Variants in MALRD1 observed in about 807,000 individuals in gnomAD.
MALRD1 encodes MAM and LDL receptor class A domain containing 1, also known as MAM and LDL-receptor class A domain-containing protein 1.
In MALRD1, 247 loss-of-function variants were observed where a neutral mutation model predicts 242.1. That is an observed-to-expected ratio of 1.02 (90% CI 0.92 to 1.13). MALRD1 has a LOEUF of 1.13. MALRD1 is among the 50% of genes most tolerant of loss of function. The pLI is 0.00. For missense variants in MALRD1, 2,989 were observed against 2,533.1 expected (o/e 1.18, Z -3.86); for synonymous variants, 995 against 866.6 (o/e 1.15, Z -2.60).
chr10:19,673,920 T>G (rs1451060865), intron 36 of MALRD1, among the ~76,000 whole-genome samples: 4 of 152,054 alleles, frequency 2.6e-5, no homozygotes, highest in Non-Finnish European at 4.4e-5. Context: ...TGCGTGTGCA[T>G]GTATGTATCT....
intron 13 of MALRD1, among the ~76,000 whole-genome samples, chr10:19,169,114 C>T (rs1354896958): frequency 6.6e-6 from 1 of 152,066 alleles, no homozygotes; most frequent in Non-Finnish European, 1.5e-5. Flanking sequence ...TGCCCTGAAC[C>T]ACTGTGAGGC....
intron 30 of MALRD1, among the ~76,000 whole-genome samples, chr10:19,494,343 G>A (rs1298187742): frequency 6.6e-6 from 1 of 152,186 alleles, no homozygotes; most frequent in Non-Finnish European, 1.5e-5. Context: ...AAGAACCAGT[G>A]AAAGAACTCT....
At chr10:19,165,242 AATATATATATAT>A (rs57449195) in intron 12 of MALRD1, among the ~76,000 whole-genome samples, 1 of 69,814 alleles carries the variant, frequency 1.4e-5, no homozygotes, top group African/African-American at 8.5e-5. Context: ...AGTTGTTTGG[AATATATATATAT>A]ATATATATAT....
At chr10:19,432,189 A>C (rs747458972) in intron 28 of MALRD1, among the ~76,000 whole-genome samples, 1 of 152,172 alleles carries the variant, frequency 6.6e-6, no homozygotes, top group Non-Finnish European at 1.5e-5. Flanking sequence ...GCAATGAGCA[A>C]CATTGGCTAT....
intron 32 of MALRD1, among the ~76,000 whole-genome samples, chr10:19,536,097 A>G (rs1014008031): frequency 1.3e-5 from 2 of 152,178 alleles, no homozygotes; most frequent in Non-Finnish European, 2.9e-5. Flanking sequence ...CCCTTCCAGG[A>G]TCTGCTCTGT....
At chr10:19,546,142 G>A (rs1249877328) in intron 32 of MALRD1, among the ~76,000 whole-genome samples, 1 of 152,102 alleles carries the variant, frequency 6.6e-6, no homozygotes, top group African/African-American at 2.4e-5. Flanking sequence ...TGGTTACTTA[G>A]TGTTCTATTT....
At chr10:19,202,120 A>C (rs2358346) in intron 14 of MALRD1, among the ~76,000 whole-genome samples, 6 of 152,146 alleles carry the variant, frequency 3.9e-5, no homozygotes, top group African/African-American at 1.2e-4. Flanking sequence ...GACTGAGAAA[A>C]CTTTACTCTA....
intron 20 of MALRD1, among the ~76,000 whole-genome samples, chr10:19,280,458 T>C (rs1840748808): frequency 6.6e-6 from 1 of 152,252 alleles, no homozygotes; most frequent in South Asian, 2.1e-4. Flanking sequence ...TTCAAAACTA[T>C]CGTTTTCACA....
intron 21 of MALRD1, among the ~76,000 whole-genome samples, chr10:19,293,062 C>T (rs1183396115): frequency 6.6e-6 from 1 of 152,010 alleles, no homozygotes; most frequent in East Asian, 1.9e-4. Flanking sequence ...GTCCCTTAGA[C>T]AGTAAATACC....
intron 5 of MALRD1, among the ~76,000 whole-genome samples, chr10:19,116,999 G>A (rs1836892501): frequency 6.6e-6 from 1 of 151,830 alleles, no homozygotes; most frequent in Admixed American, 6.6e-5. Flanking sequence ...GGAGGCTGAG[G>A]CAGGAGAATC....
At chr10:19,363,765 G>A (rs1164655293) in intron 26 of MALRD1, among the ~76,000 whole-genome samples, 1 of 152,126 alleles carries the variant, frequency 6.6e-6, no homozygotes, top group Admixed American at 6.6e-5. Flanking sequence ...GGTTAGTCCT[G>A]TGAGAAGAGC....
intron 18 of MALRD1, among the ~76,000 whole-genome samples, chr10:19,249,807 G>A (rs925314536): frequency 6.6e-6 from 1 of 151,946 alleles, no homozygotes; most frequent in East Asian, 1.9e-4. Context: ...GGGTATGTGG[G>A]ACATTGAGCT....
At chr10:19,158,395 T>G (rs563151880) in intron 12 of MALRD1, among the ~76,000 whole-genome samples, 138 of 152,310 alleles carry the variant, frequency 9.1e-4, no homozygotes, top group African/African-American at 3.1e-3. Context: ...TCATAGATTG[T>G]TTTACAAATA....
At chr10:19,683,601 C>G (rs1440293347) in intron 36 of MALRD1, among the ~76,000 whole-genome samples, 1 of 152,118 alleles carries the variant, frequency 6.6e-6, no homozygotes, top group Admixed American at 6.5e-5. Context: ...AGCTGCCTGT[C>G]TATATCTTGA....
chr10:19,559,840 G>A (rs58499850), intron 32 of MALRD1, among the ~76,000 whole-genome samples: 1 of 152,102 alleles, frequency 6.6e-6, no homozygotes, highest in Non-Finnish European at 1.5e-5. Flanking sequence ...GATGTGAACA[G>A]ACACTTCTGA....
chr10:19,368,788 C>T (rs1234025884), intron 26 of MALRD1, among the ~76,000 whole-genome samples: 1 of 150,390 alleles, frequency 6.6e-6, no homozygotes, highest in Non-Finnish European at 1.5e-5. Flanking sequence ...AATTTCTTTC[C>T]TCAGTGTTTT....
intron 18 of MALRD1, among the ~76,000 whole-genome samples, chr10:19,214,183 G>T (rs1706347621): frequency 6.6e-6 from 1 of 152,154 alleles, no homozygotes; most frequent in South Asian, 2.1e-4. Flanking sequence ...GAGAGCTCAT[G>T]TCAACATGGT....
chr10:19,547,175 C>T (rs1835243196), intron 32 of MALRD1, among the ~76,000 whole-genome samples: 1 of 152,114 alleles, frequency 6.6e-6, no homozygotes, highest in Non-Finnish European at 1.5e-5. Context: ...TCTGATTACT[C>T]CTATTTCTAA....
chr10:19,433,968 T>C (rs1834249893), intron 28 of MALRD1, among the ~76,000 whole-genome samples: 1 of 152,126 alleles, frequency 6.6e-6, no homozygotes, highest in Non-Finnish European at 1.5e-5. Flanking sequence ...GTCTATCATA[T>C]ATAATATAAA....
Sources: gnomAD v4.1 joint callset for allele counts (sites outside exome capture counted in the v4.1 genomes callset) on GRCh38, gnomAD v4.1.1 for gene constraint, MANE v1.5 for transcripts, NCBI Gene and HGNC (gene_info 2026-07-23, HGNC 2026-07-21) for gene names.